Variants in PCDH9 observed in about 807,000 individuals in gnomAD.
PCDH9 encodes the protein protocadherin 9, also known as protocadherin-9.
In PCDH9, 24 loss-of-function variants were observed where a neutral mutation model predicts 70.6. That is an observed-to-expected ratio of 0.34 (90% CI 0.25 to 0.48). PCDH9 has a LOEUF of 0.48. Ranked by LOEUF, PCDH9 falls within the 20% of genes least tolerant of loss-of-function variation. The probability of loss-of-function intolerance (pLI) is 0.99; values close to 1 mark genes in which losing one functional copy is unlikely to be tolerated. For synonymous variants in PCDH9, 562 were observed against 558.5 expected (o/e 1.01, Z -0.09); for missense variants, 1,281 against 1,503.6 (o/e 0.85, Z 2.45).
intron 4 of PCDH9, among the ~76,000 whole-genome samples, chr13:66,628,188 C>T (rs1403123629): frequency 6.6e-6 from 1 of 152,144 alleles, no homozygotes; most frequent in Non-Finnish European, 1.5e-5. Flanking sequence ...GATGAACTTA[C>T]CAACCATCAA....
chr13:66,819,157 CTG>C (rs2080664048), intron 3 of PCDH9, among the ~76,000 whole-genome samples: 2 of 152,042 alleles, frequency 1.3e-5, no homozygotes. Flanking sequence ...AAATGCTTGA[CTG>C]TGAAAATCAT....
intron 2 of PCDH9, among the ~76,000 whole-genome samples, chr13:67,091,643 C>A (rs2086221061): frequency 6.6e-6 from 1 of 152,228 alleles, no homozygotes; most frequent in South Asian, 2.1e-4. Flanking sequence ...TCCTGCTTTA[C>A]CCCTTATTAG....
At chr13:66,389,121 C>T (rs1031090755) in intron 4 of PCDH9, among the ~76,000 whole-genome samples, 1 of 152,012 alleles carries the variant, frequency 6.6e-6, no homozygotes, top group Non-Finnish European at 1.5e-5. Flanking sequence ...AGTAAATTTT[C>T]CTTATTTTAT....
intron 2 of PCDH9, among the ~76,000 whole-genome samples, chr13:66,999,102 A>G (rs771495049): frequency 1.3e-5 from 2 of 152,182 alleles, no homozygotes; most frequent in African/African-American, 2.4e-5. Flanking sequence ...TTCCCAAGCA[A>G]ATTGGGTTCT....
At chr13:66,452,664 A>G (rs1447842014) in intron 4 of PCDH9, among the ~76,000 whole-genome samples, 1 of 152,060 alleles carries the variant, frequency 6.6e-6, no homozygotes, top group African/African-American at 2.4e-5. Flanking sequence ...TCCTGAATCC[A>G]AGAATGCAAT....
At chr13:67,114,989 T>C (rs2086730247) in intron 2 of PCDH9, among the ~76,000 whole-genome samples, 1 of 152,356 alleles carries the variant, frequency 6.6e-6, no homozygotes, top group East Asian at 1.9e-4. Context: ...TTCATTGTTA[T>C]CTCTTTGTCT....
intron 4 of PCDH9, among the ~76,000 whole-genome samples, chr13:66,375,100 A>G (rs1956724800): frequency 6.6e-6 from 1 of 152,118 alleles, no homozygotes; most frequent in Non-Finnish European, 1.5e-5. Flanking sequence ...ATGCTACTAA[A>G]CGATAACATA....
At position 66,976,355 on chromosome 13, in the gene PCDH9, A is replaced by G. The variant is rs146688973; in HGVS notation, c.3037-72750T>C. Among the ~76,000 whole-genome samples the G allele has an allele frequency of 2.0e-5, 3 of 152,160 alleles. No individual in the cohort carries two copies. In the East Asian group the frequency reaches 5.8e-4, roughly 29 times the overall value. ...AGTAGTCAATCTAAAGAACACATAA[A>G]CTGGAGATGTATTTAAAGTTATACT... On this transcript the variant is annotated intron_variant, in intron 2 of 4. Transcript: ENST00000377865.
chr13:67,142,234 A>G (rs990458746), intron 2 of PCDH9, among the ~76,000 whole-genome samples: 2 of 152,178 alleles, frequency 1.3e-5, no homozygotes, highest in African/African-American at 2.4e-5. Flanking sequence ...ACAGTTTAGT[A>G]AATTTATAAA....
At chr13:66,871,884 A>C (rs1305599073) in intron 3 of PCDH9, among the ~76,000 whole-genome samples, 1 of 152,012 alleles carries the variant, frequency 6.6e-6, no homozygotes, top group East Asian at 1.9e-4. Flanking sequence ...CTCTACTTTC[A>C]TTGCATAACA....
intron 4 of PCDH9, among the ~76,000 whole-genome samples, chr13:66,504,462 T>A (rs1420947085): frequency 1.3e-5 from 2 of 152,178 alleles, no homozygotes; most frequent in Non-Finnish European, 2.9e-5. Flanking sequence ...GGATTCCAGC[T>A]GAACACAGCT....
chr13:66,601,493 T>C lies in PCDH9; in HGVS notation c.3340+29717A>G, dbSNP rs2077164877. Among the ~76,000 whole-genome samples the C allele has an allele frequency of 1.4e-5, 2 of 146,384 alleles. 1 individual carries two copies. The highest frequency in any genetic ancestry group is 3.1e-5 in the Non-Finnish European group (2 of 65,014). On this transcript the variant is annotated intron_variant, in intron 4 of 4. Coordinates refer to ENST00000377865, the MANE Select transcript of PCDH9 (RefSeq NM_203487.3). ...CTGAGTAAATGAAATTGACTTTATT[T>C]TGATGAGCGAAGGAAGAGCTAACTA...
At chr13:66,462,815 C>T (rs947152851) in intron 4 of PCDH9, among the ~76,000 whole-genome samples, 5 of 151,556 alleles carry the variant, frequency 3.3e-5, no homozygotes, top group African/African-American at 1.2e-4. Flanking sequence ...TTGCCATTAC[C>T]CAGAGCTGAG....
chr13:66,454,038 G>T (rs1260122696), intron 4 of PCDH9, among the ~76,000 whole-genome samples: 3 of 151,788 alleles, frequency 2.0e-5, no homozygotes, highest in Non-Finnish European at 4.4e-5. Context: ...AAAATCCCAT[G>T]ATCTCCTTTT....
chr13:66,342,276 A>G (rs1956140631), intron 4 of PCDH9, among the ~76,000 whole-genome samples: 2 of 152,204 alleles, frequency 1.3e-5, no homozygotes, highest in African/African-American at 4.8e-5. Flanking sequence ...GAGAATTGCT[A>G]CTATTTCATT....
chr13:66,713,625 G>GTGTATATATATATATATATATATATATA (rs1379996611), intron 3 of PCDH9, among the ~76,000 whole-genome samples: 2 of 110,012 alleles, frequency 1.8e-5, no homozygotes, highest in African/African-American at 7.3e-5. Context: ...GTGTGTGTGT[G>GTGTATATATATATATATATATATATATA]TATATATATA....
At chr13:66,667,301 A>T (rs1472621390) in intron 3 of PCDH9, among the ~76,000 whole-genome samples, 6 of 152,188 alleles carry the variant, frequency 3.9e-5, no homozygotes, top group Non-Finnish European at 8.8e-5. Flanking sequence ...TCCAGTCACA[A>T]ATGTGGTGGT....
intron 3 of PCDH9, among the ~76,000 whole-genome samples, chr13:66,682,494 G>T (rs1413200397): frequency 6.6e-6 from 1 of 151,904 alleles, no homozygotes; most frequent in Non-Finnish European, 1.5e-5. Flanking sequence ...GTTCATTGCA[G>T]AATTTTTTCC....
intron 4 of PCDH9, among the ~76,000 whole-genome samples, chr13:66,453,293 G>A (rs551356940): frequency 1.6e-4 from 25 of 152,078 alleles, no homozygotes; most frequent in African/African-American, 6.0e-4. Context: ...TTAAAAATCT[G>A]ACTCCACTCT....
Sources: allele counts gnomAD v4.1 joint callset (sites outside exome capture counted in the v4.1 genomes callset), GRCh38; gene constraint gnomAD v4.1.1; transcripts MANE v1.5; gene names NCBI Gene and HGNC (gene_info 2026-07-23, HGNC 2026-07-21).